The following ABCA13 variants were observed in gnomAD, a reference collection of about 807,000 sequenced individuals.
ABCA13 encodes the protein ATP binding cassette subfamily A member 13.
A neutral mutation model predicts 478.7 loss-of-function variants in ABCA13; 476 were observed. The ratio of observed to expected loss-of-function variants is 0.99; its 90% CI spans 0.92 to 1.07. The LOEUF is 1.07. Among genes scored for constraint, ABCA13 ranks in the 50% least tolerant of loss-of-function variants. The pLI is 0.00. For missense variants in ABCA13, 6,060 were observed against 5,910.6 expected (o/e 1.03, Z -0.83); for synonymous variants, 2,252 against 2,158.9 (o/e 1.04, Z -1.20).
chr7:48,552,174 G>T (rs1228636995), intron 55 of ABCA13, among the ~76,000 whole-genome samples: 1 of 150,674 alleles, frequency 6.6e-6, no homozygotes, highest in Admixed American at 6.6e-5. Flanking sequence ...CATTCTGGAG[G>T]GCCTTAAAAA....
intron 27 of ABCA13, among the ~76,000 whole-genome samples, chr7:48,321,594 T>C (rs1490311078): frequency 6.6e-6 from 1 of 152,104 alleles, no homozygotes; most frequent in Non-Finnish European, 1.5e-5. Context: ...TCTCTGAGCA[T>C]GGAGTAGAAG....
chr7:48,252,460 C>T (rs2128700276), intron 15 of ABCA13, among the ~76,000 whole-genome samples: 1 of 152,230 alleles, frequency 6.6e-6, no homozygotes, highest in South Asian at 2.1e-4. Flanking sequence ...TTACTACATA[C>T]CTGGAGTATA....
intron 41 of ABCA13, among the ~76,000 whole-genome samples, chr7:48,413,189 G>T (rs1177993417): frequency 6.6e-6 from 1 of 152,140 alleles, no homozygotes; most frequent in Non-Finnish European, 1.5e-5. Context: ...TGTCAGTAGT[G>T]GTTGATTGCT....
chr7:48,563,704 A>C (rs984963962), intron 55 of ABCA13, among the ~76,000 whole-genome samples: 2 of 151,944 alleles, frequency 1.3e-5, no homozygotes, highest in Non-Finnish European at 2.9e-5. Context: ...TAAGTCTTTA[A>C]TTGGAAGCAA....
At chr7:48,308,356 T>C (rs1454004509) in intron 23 of ABCA13, among the ~76,000 whole-genome samples, 1 of 152,212 alleles carries the variant, frequency 6.6e-6, no homozygotes, top group Admixed American at 6.5e-5. Flanking sequence ...AGTTAAATTT[T>C]TTTTAATAAC....
At chr7:48,303,613 T>G (rs1800477169) in intron 23 of ABCA13, among the ~76,000 whole-genome samples, 2 of 152,184 alleles carry the variant, frequency 1.3e-5, no homozygotes, top group Admixed American at 1.3e-4. Context: ...TGCTTGTTTT[T>G]GTCAGGTTTG....
At chr7:48,306,998 T>A (rs1180622477) in intron 23 of ABCA13, among the ~76,000 whole-genome samples, 1 of 152,094 alleles carries the variant, frequency 6.6e-6, no homozygotes, top group African/African-American at 2.4e-5. Flanking sequence ...CTCCAGGTAG[T>A]CCGCAGATGT....
rs928525923 is a variant in ABCA13 at position 48,646,242 on chromosome 7, T to G, written c.*730T>G. ...TGAGGGTAGAGAAATAAAATGTAGA[T>G]GCATTTTCTTTTTCTTCATTTGGAT... On this transcript the variant is annotated 3_prime_UTR_variant, in exon 62 of 62. Transcript: ENST00000435803. 6.6e-6 allele frequency: 1 copy of G among 152,206 alleles called. No homozygotes were observed. Among genetic ancestry groups the G allele is most frequent in the African/African-American group, 2.4e-5 (1 of 41,460 alleles). The allele number at this position is 152,206 out of a possible 1,614,324, so 9.4% of individuals were successfully genotyped here. A position where few individuals can be genotyped will look rare whatever the true frequency, so the allele number is the denominator to read the frequency against.
intron 29 of ABCA13, among the ~76,000 whole-genome samples, chr7:48,344,646 G>A (rs1406066537): frequency 1.3e-5 from 2 of 152,040 alleles, no homozygotes; most frequent in Non-Finnish European, 2.9e-5. Flanking sequence ...GGCCCTATGT[G>A]TTTTTCTTGG....
In ABCA13 at chr7:48,507,912, G is replaced by T. The variant is rs760368793; in HGVS notation, c.13387G>T (p.Val4463Leu). Residue 4463 changes from valine (V) to leucine (L), a missense_variant, in exon 50 of 62, where the codon GTG becomes TTG. Transcript: ENST00000435803. ...IRQCGVALCI[V>L]LGFSILSASI... ...TCAGTGTGGAGTGGCCCTCTGCATC[G>T]TGCTGGGATTCTCCATCCTGTCTGC... 6.2e-7 allele frequency: 1 copy of T among 1,612,652 alleles called. No homozygotes were observed. Among genetic ancestry groups the T allele is most frequent in the African/African-American group, 1.3e-5 (1 of 74,918 alleles).
rs569191387 is a variant in ABCA13 at position 48,278,510 on chromosome 7, A to T, written c.7316A>T (p.Tyr2439Phe). 3.7e-5 allele frequency: 59 copies of T among 1,613,960 alleles called. No individual in the cohort carries two copies. In the South Asian group the frequency reaches 6.4e-4, roughly 17 times the overall value. The change falls in exon 18 of 62, where the codon TAT becomes TTT. Residue 2439 changes from tyrosine (Y) to phenylalanine (F), a missense_variant. Around this residue, in one of 3 missense-constraint regions of ABCA13, gnomAD observed 4,423 missense variants for 4,309.1 expected, o/e 1.03. Transcript: ENST00000435803. ...TTACACTCTCCTAATAAGGACTTCT[A>T]TGCTTTGTATCCTACCCTCCAAGAA... ...TILHSPNKDFYALYPTLQEVI... is the reference protein window; with the variant it reads ...TILHSPNKDFFALYPTLQEVI...
chr7:48,420,119 G>T (rs1005455381), intron 41 of ABCA13, among the ~76,000 whole-genome samples: 5 of 152,142 alleles, frequency 3.3e-5, no homozygotes, highest in South Asian at 4.1e-4. Flanking sequence ...TCCTTCATCT[G>T]CATTTTGCCT....
chr7:48,395,580 C>T (rs1428068349), intron 38 of ABCA13, among the ~76,000 whole-genome samples: 2 of 152,194 alleles, frequency 1.3e-5, no homozygotes, highest in African/African-American at 2.4e-5. Context: ...CCTCAACCAC[C>T]TTTGAGATAG....
At chr7:48,541,719 T>G (rs1365117488) in intron 55 of ABCA13, among the ~76,000 whole-genome samples, 1 of 49,598 alleles carries the variant, frequency 2.0e-5, no homozygotes, top group Admixed American at 2.4e-4. Context: ...GAAAAAGAGA[T>G]ATATATATAC....
intron 54 of ABCA13, among the ~76,000 whole-genome samples, chr7:48,526,200 A>G (rs1325419099): frequency 6.6e-6 from 1 of 152,112 alleles, no homozygotes; most frequent in Non-Finnish European, 1.5e-5. Flanking sequence ...TTCTATGACC[A>G]GCCTCAGGGG....
chr7:48,244,475 C>A, intron 10 of ABCA13, 101 bp from the exon 11 acceptor site: 2 of 1,400,138 alleles, frequency 1.4e-6, no homozygotes, highest in Admixed American at 2.1e-5. Context: ...ACACACTTCT[C>A]AAAGCAGTGG....
At chr7:48,252,435 C>T (rs940250145) in intron 15 of ABCA13, among the ~76,000 whole-genome samples, 2 of 152,072 alleles carry the variant, frequency 1.3e-5, no homozygotes, top group Non-Finnish European at 2.9e-5. Context: ...TTTACACAAA[C>T]CTAGATGGTA....
chr7:48,386,567 C>A (rs1022293788), intron 35 of ABCA13, among the ~76,000 whole-genome samples: 1 of 151,990 alleles, frequency 6.6e-6, no homozygotes, highest in African/African-American at 2.4e-5. Flanking sequence ...GAATAGAGAA[C>A]CCAGAAATAA....
Position 48,338,573 on chromosome 7 carries a change from C to T in ABCA13, c.10204+118C>T, listed in dbSNP as rs73697140. The T allele has an allele frequency of 7.9e-3, 4,878 of 616,322 alleles. 196 individuals are homozygous for T. The African/African-American group carries it at 0.081, about 10-fold the overall frequency. The allele number at this position is 616,322 out of a possible 1,614,324, so 38.2% of individuals were successfully genotyped here. ...TGACTTCCAGCAAGTCACTTTTCCT[C>T]TCTCAGTTTCTATTTTCTTATCTGG... On this transcript the variant is annotated intron_variant, in intron 29 of 61. Coordinates refer to ENST00000435803, the MANE Select transcript of ABCA13 (RefSeq NM_152701.5).
Sources: gnomAD v4.1 joint callset for allele counts (sites outside exome capture counted in the v4.1 genomes callset) on GRCh38, gnomAD v4.1.1 for gene constraint, gnomAD v4.1.1 regional missense constraint, MANE v1.5 for transcripts, NCBI Gene and HGNC (gene_info 2026-07-23, HGNC 2026-07-21) for gene names.